Variants in ATP10B observed in about 807,000 individuals in gnomAD.
ATP10B encodes phospholipid-transporting ATPase VB.
Under a neutral mutation model 141.2 loss-of-function variants are expected in ATP10B, and 122 were observed. The observed-to-expected ratio is 0.86, with a 90% CI of 0.75 to 1.00. ATP10B has a LOEUF of 1.00. ATP10B is among the 50% of genes least tolerant of loss of function. The pLI, the probability that ATP10B is intolerant of heterozygous loss-of-function variation, is 0.00. For missense variants in ATP10B, 1,876 were observed against 1,825.3 expected (o/e 1.03, Z -0.51); for synonymous variants, 685 against 692.0 (o/e 0.99, Z 0.16).
chr5:160,652,978 ATACATACATATTTATAT>A (rs1760985168), intron 7 of ATP10B, among the ~76,000 whole-genome samples: 1 of 95,574 alleles, frequency 1.0e-5, no homozygotes, highest in Non-Finnish European at 1.8e-5. Flanking sequence ...TATATAATAT[ATACATACATATTTATAT>A]TTATATATTA....
At chr5:160,727,842 A>C (rs1766464084) in intron 2 of ATP10B, among the ~76,000 whole-genome samples, 2 of 152,196 alleles carry the variant, frequency 1.3e-5, no homozygotes, top group Non-Finnish European at 2.9e-5. Context: ...GGAAAGGTAA[A>C]AGGCCTCAGG....
the ATP10B span, among the ~76,000 whole-genome samples, chr5:160,889,902 A>G: frequency 0.015 from 2,327 of 152,214 alleles, 58 homozygotes; most frequent in African/African-American, 0.054. Flanking sequence ...ATCTCCTGTC[A>G]CACCTCCTAC....
intron 2 of ATP10B, among the ~76,000 whole-genome samples, chr5:160,784,819 C>T (rs1419145354): frequency 1.3e-5 from 2 of 152,212 alleles, no homozygotes; most frequent in African/African-American, 4.8e-5. Context: ...TTCATAGTAT[C>T]ATCTTATAGT....
At chr5:160,823,087 T>C (rs1173861200) in intron 1 of ATP10B, among the ~76,000 whole-genome samples, 2 of 141,894 alleles carry the variant, frequency 1.4e-5, no homozygotes, top group African/African-American at 2.6e-5. Flanking sequence ...GCTGAGGTGA[T>C]AGATACCCCC....
At chr5:160,629,229 G>A (rs966412577) in intron 13 of ATP10B, among the ~76,000 whole-genome samples, 15 of 152,096 alleles carry the variant, frequency 9.9e-5, no homozygotes, top group African/African-American at 2.9e-4. Context: ...GGGTGGGGGT[G>A]GGCACCGAGA....
intron 24 of ATP10B, among the ~76,000 whole-genome samples, chr5:160,576,525 AT>A (rs1233927005): frequency 2.6e-5 from 4 of 152,300 alleles, no homozygotes; most frequent in Admixed American, 1.3e-4. Flanking sequence ...GTGCAGAGCA[AT>A]TATGAAAACA....
chr5:160,634,176 G>A, intron 12 of ATP10B, 178 bp downstream of exon 12: 1 of 876,144 alleles, frequency 1.1e-6, no homozygotes, highest in Non-Finnish European at 1.9e-6. Flanking sequence ...AAGTTTACAA[G>A]TAATTGGAAC....
At chr5:160,685,617 TC>T (rs1763703440) in intron 6 of ATP10B, among the ~76,000 whole-genome samples, 1 of 152,204 alleles carries the variant, frequency 6.6e-6, no homozygotes, top group Non-Finnish European at 1.5e-5. Flanking sequence ...CCTGACATCC[TC>T]CAAAGAGTTT....
chr5:160,697,398 C>T (rs762743702), intron 3 of ATP10B, among the ~76,000 whole-genome samples: 2 of 152,158 alleles, frequency 1.3e-5, no homozygotes, highest in Non-Finnish European at 2.9e-5. Context: ...TTGCACTGTA[C>T]TCAGCTACAG....
chr5:160,652,629 T>C (rs1760833163), intron 7 of ATP10B, among the ~76,000 whole-genome samples: 1 of 138,236 alleles, frequency 7.2e-6, no homozygotes, highest in Non-Finnish European at 1.5e-5. Flanking sequence ...TGACGAATTT[T>C]ATATTTTATA....
At chr5:160,748,797 G>T (rs1368449532) in intron 2 of ATP10B, among the ~76,000 whole-genome samples, 1 of 152,188 alleles carries the variant, frequency 6.6e-6, no homozygotes, top group African/African-American at 2.4e-5. Flanking sequence ...ATTCATGCAA[G>T]TTTGAGGGAG....
chr5:160,898,675 A>C, the ATP10B span, among the ~76,000 whole-genome samples: 10 of 152,292 alleles, frequency 6.6e-5, no homozygotes, highest in East Asian at 1.9e-3. Flanking sequence ...AAATCATTCT[A>C]CTATAAAGAC....
At chr5:160,741,568 A>G (rs1213204974) in intron 2 of ATP10B, among the ~76,000 whole-genome samples, 3 of 152,240 alleles carry the variant, frequency 2.0e-5, no homozygotes, top group African/African-American at 7.2e-5. Flanking sequence ...GAAATGTAAC[A>G]GCAACAACAA....
chr5:160,881,883 G>C, the ATP10B span, among the ~76,000 whole-genome samples: 1 of 152,074 alleles, frequency 6.6e-6, no homozygotes, highest in Non-Finnish European at 1.5e-5. Flanking sequence ...CCTTCTATAA[G>C]TGAATGGATA....
the ATP10B span, among the ~76,000 whole-genome samples, chr5:160,871,369 T>C: frequency 6.6e-6 from 1 of 152,176 alleles, no homozygotes; most frequent in South Asian, 2.1e-4. Context: ...AGGTATAGTG[T>C]TATTTTTATT....
chr5:160,567,882 T>C (rs1033997701), intron 25 of ATP10B, among the ~76,000 whole-genome samples: 1 of 152,160 alleles, frequency 6.6e-6, no homozygotes, highest in Non-Finnish European at 1.5e-5. Flanking sequence ...CCGAAATAAT[T>C]TGGGGTGAAA....
At chr5:160,857,404 G>A in the ATP10B span, among the ~76,000 whole-genome samples, 2 of 151,228 alleles carry the variant, frequency 1.3e-5, no homozygotes, top group African/African-American at 2.4e-5. Context: ...TTTTGATATC[G>A]GTAATTTTTG....
At chr5:160,573,918 A>G (rs1194000607) in intron 24 of ATP10B, among the ~76,000 whole-genome samples, 1 of 152,218 alleles carries the variant, frequency 6.6e-6, no homozygotes, top group Non-Finnish European at 1.5e-5. Context: ...AGAACGATGT[A>G]ACATTCCTGT....
At chr5:160,783,680 T>C (rs1023960375) in intron 2 of ATP10B, among the ~76,000 whole-genome samples, 3 of 151,486 alleles carry the variant, frequency 2.0e-5, no homozygotes, top group African/African-American at 7.3e-5. Context: ...AATTGCAAAT[T>C]GTGCTGCTAT....
Sources: allele counts gnomAD v4.1 joint callset (sites outside exome capture counted in the v4.1 genomes callset), GRCh38; gene constraint gnomAD v4.1.1; transcripts MANE v1.5; gene names NCBI Gene and HGNC (gene_info 2026-07-23, HGNC 2026-07-21).